BICDL1: variants seen among roughly 807,000 people sequenced by gnomAD.
The protein encoded by BICDL1 is BICD family-like cargo adapter 1.
BICDL1 carries 20 observed loss-of-function variants against 76.8 expected under a neutral mutation model. That is an observed-to-expected ratio of 0.26 (90% CI 0.18 to 0.38). The LOEUF (loss-of-function observed/expected upper bound fraction) is 0.38. Ranked by LOEUF, BICDL1 falls within the 10% of genes least tolerant of loss-of-function variation. BICDL1 has a pLI of 1.00. For synonymous variants in BICDL1, 383 were observed against 337.1 expected, an observed-to-expected ratio of 1.14 and a Z score of -1.49; for missense variants, 700 against 798.6, an observed-to-expected ratio of 0.88 and a Z score of 1.49.
rs988852649 is a variant in BICDL1 at position 120,094,182 on chromosome 12, C to T, written c.*1021C>T. 1.3e-5 allele frequency: 6 copies of T among 448,024 alleles called. No homozygotes were observed. The highest frequency in any genetic ancestry group is 7.0e-5 in the East Asian group (1 of 14,252). The allele number at this position is 448,024 out of a possible 1,614,324, so 27.8% of individuals were successfully genotyped here. ...TGGCTGCTGCTCCTGCCTCTGCAGC[C>T]GCCCCTCCTCCTCCACCCAGGCCCC... On this transcript the variant is annotated 3_prime_UTR_variant, in exon 10 of 10. Coordinates refer to ENST00000548673, the MANE Select transcript of BICDL1 (RefSeq NM_001367886.1).
chr12:120,067,773 A>T (rs1953252418), intron 4 of BICDL1, among the ~76,000 whole-genome samples: 1 of 152,248 alleles, frequency 6.6e-6, no homozygotes, highest in African/African-American at 2.4e-5. Context: ...TGTCTAAAAA[A>T]TAATTGTGAA....
chr12:120,082,921 C>T (rs1874106290), intron 8 of BICDL1, among the ~76,000 whole-genome samples: 2 of 152,024 alleles, frequency 1.3e-5, no homozygotes, highest in Non-Finnish European at 2.9e-5. Flanking sequence ...CACTCTGTCA[C>T]CCATGCTCAC....
At chr12:120,023,531 G>A (rs1041282320) in intron 2 of BICDL1, among the ~76,000 whole-genome samples, 9 of 152,218 alleles carry the variant, frequency 5.9e-5, no homozygotes, top group African/African-American at 9.6e-5. Context: ...GCTCATGCCT[G>A]TAATCCCAGC....
chr12:120,076,567 G>A (rs1873564049), intron 7 of BICDL1, among the ~76,000 whole-genome samples: 4 of 152,142 alleles, frequency 2.6e-5, no homozygotes, highest in South Asian at 2.1e-4. Context: ...TTTCCACCTC[G>A]AAATTTTTCT....
At chr12:120,092,813 G>A (rs1289680088) in intron 9 of BICDL1, 187 bp from the exon 10 acceptor site, 9 of 985,420 alleles carry the variant, frequency 9.1e-6, no homozygotes, top group South Asian at 4.7e-5. Context: ...GGTGCCATAC[G>A]GCTCCTGCGT....
At chr12:120,059,383 C>T (rs1238477686) in intron 2 of BICDL1, among the ~76,000 whole-genome samples, 3 of 152,210 alleles carry the variant, frequency 2.0e-5, no homozygotes, top group Non-Finnish European at 4.4e-5. Context: ...TCAAGCAATT[C>T]TCCTGCCTCA....
chr12:119,990,556 C>T (rs926420783), intron 1 of BICDL1, among the ~76,000 whole-genome samples: 1 of 152,234 alleles, frequency 6.6e-6, no homozygotes, highest in Admixed American at 6.5e-5. Flanking sequence ...CTGTACCCAG[C>T]ATCTAAAATA....
At chr12:120,044,255 T>C (rs1456558761) in intron 2 of BICDL1, among the ~76,000 whole-genome samples, 1 of 152,242 alleles carries the variant, frequency 6.6e-6, no homozygotes, top group Non-Finnish European at 1.5e-5. Context: ...CTTTGTAACC[T>C]TCTTTTTAGG....
intron 1 of BICDL1, among the ~76,000 whole-genome samples, chr12:119,996,379 C>G (rs1951645803): frequency 6.6e-6 from 1 of 152,104 alleles, no homozygotes; most frequent in African/African-American, 2.4e-5. Flanking sequence ...AATAAGATGG[C>G]AGGATGAAGG....
intron 3 of BICDL1, among the ~76,000 whole-genome samples, chr12:120,063,639 A>T (rs539233567): frequency 1.3e-5 from 2 of 152,344 alleles, no homozygotes; most frequent in African/African-American, 4.8e-5. Flanking sequence ...TCAAAGCTGG[A>T]CTAGAGAGCT....
chr12:120,018,503 A>T (rs1205011799), intron 2 of BICDL1, among the ~76,000 whole-genome samples: 1 of 152,104 alleles, frequency 6.6e-6, no homozygotes, highest in Admixed American at 6.6e-5. Context: ...CAAAACCTTA[A>T]ATCTTGAAGT....
rs1873194407 is a variant in BICDL1 at position 120,072,639 on chromosome 12, C to T, written c.1218C>T (p.Ser406=). 8 of 1,614,080 alleles carry T rather than the reference C, an allele frequency of 5.0e-6. No homozygotes were observed. The highest frequency in any genetic ancestry group is 2.2e-5 in the South Asian group (2 of 91,084). ...TGGACGAGTCTTCAGAAACCTCGTC[C>T]GCCAAGGATGTGCCAGCCGGCAGCT... ...SSMDESSETS[S]AKDVPAGSLR... The change falls in exon 6 of 10, where the codon TCC becomes TCT. Residue 406 remains serine (S), a synonymous_variant. Transcript: ENST00000548673.
intron 2 of BICDL1, among the ~76,000 whole-genome samples, chr12:120,012,778 G>A (rs534959296): frequency 1.4e-4 from 22 of 152,070 alleles, no homozygotes; most frequent in African/African-American, 5.1e-4. Flanking sequence ...TTAAAGGAAA[G>A]GGAAGGGAAA....
chr12:120,076,371 A>G (rs895473276), intron 7 of BICDL1, among the ~76,000 whole-genome samples: 2 of 152,238 alleles, frequency 1.3e-5, no homozygotes, highest in Non-Finnish European at 2.9e-5. Flanking sequence ...CTTATTTTAA[A>G]GCCTATTTAA....
intron 8 of BICDL1, among the ~76,000 whole-genome samples, chr12:120,082,378 G>A (rs1483949257): frequency 1.3e-5 from 2 of 149,102 alleles, no homozygotes; most frequent in African/African-American, 5.0e-5. Context: ...TCAGCCTCCC[G>A]AGTAGCTGGG....
chr12:120,015,422 G>A (rs1430516133), intron 2 of BICDL1, among the ~76,000 whole-genome samples: 1 of 152,152 alleles, frequency 6.6e-6, no homozygotes, highest in African/African-American at 2.4e-5. Context: ...CAGTCCTGAA[G>A]GCCAGGCTCA....
At chr12:120,021,525 T>C (rs987151933) in intron 2 of BICDL1, among the ~76,000 whole-genome samples, 1 of 138,078 alleles carries the variant, frequency 7.2e-6, no homozygotes, top group Non-Finnish European at 1.5e-5. Flanking sequence ...AGGCAGAGGT[T>C]GCAGTGAGCC....
chr12:120,022,844 A>G (rs990027012), intron 2 of BICDL1, among the ~76,000 whole-genome samples: 1 of 152,212 alleles, frequency 6.6e-6, no homozygotes, highest in Admixed American at 6.5e-5. Context: ...TTGACATGGT[A>G]CTGTGAATCC....
At chr12:120,056,795 A>G (rs886324143) in intron 2 of BICDL1, among the ~76,000 whole-genome samples, 1 of 151,970 alleles carries the variant, frequency 6.6e-6, no homozygotes. Context: ...GAGACCTGGC[A>G]GGAGAGTGGC....
Sources: gnomAD v4.1 joint callset for allele counts (sites outside exome capture counted in the v4.1 genomes callset) on GRCh38, gnomAD v4.1.1 for gene constraint, MANE v1.5 for transcripts, NCBI Gene and HGNC (gene_info 2026-07-23, HGNC 2026-07-21) for gene names.